TMEM117: variants seen among roughly 807,000 people sequenced by gnomAD.
TMEM117 encodes the protein transmembrane protein 117.
In TMEM117, 27 loss-of-function variants were observed where a neutral mutation model predicts 52.4. The observed-to-expected ratio is 0.51, with a 90% CI of 0.38 to 0.71. The LOEUF is 0.71. Among genes scored for constraint, TMEM117 ranks in the 30% least tolerant of loss-of-function variants. The pLI is 0.00. For synonymous variants in TMEM117, 215 were observed against 206.3 expected (o/e 1.04, Z -0.36); for missense variants, 556 against 630.5 (o/e 0.88, Z 1.26).
chr12:43,935,678 C>A (rs892484487), intron 2 of TMEM117, among the ~76,000 whole-genome samples: 1 of 152,170 alleles, frequency 6.6e-6, no homozygotes, highest in South Asian at 2.1e-4. Context: ...TGTAATCCAG[C>A]CCTTTAAACT....
At chr12:43,893,874 G>A (rs1944151674) in intron 2 of TMEM117, among the ~76,000 whole-genome samples, 1 of 152,164 alleles carries the variant, frequency 6.6e-6, no homozygotes, top group Admixed American at 6.5e-5. Flanking sequence ...TGGGACTAGA[G>A]GATCAATTTT....
chr12:44,156,861 T>C (rs1259586079), intron 4 of TMEM117, among the ~76,000 whole-genome samples: 1 of 152,066 alleles, frequency 6.6e-6, no homozygotes, highest in Non-Finnish European at 1.5e-5. Flanking sequence ...TCAGTAAATG[T>C]TACCTAGCCT....
chr12:43,901,758 AT>A (rs1248662381), intron 2 of TMEM117, among the ~76,000 whole-genome samples: 4 of 152,220 alleles, frequency 2.6e-5, no homozygotes, highest in African/African-American at 4.8e-5. Context: ...ACCTGAAGGC[AT>A]TTTTAAGGTC....
At chr12:44,266,102 G>A (rs1177648293) in intron 5 of TMEM117, among the ~76,000 whole-genome samples, 1 of 152,026 alleles carries the variant, frequency 6.6e-6, no homozygotes, top group Non-Finnish European at 1.5e-5. Context: ...TTTCTCTTGG[G>A]TGTATAGCTA....
chr12:44,116,013 CTCCTTTCTTTATA>C (rs1948136291), intron 3 of TMEM117, among the ~76,000 whole-genome samples: 1 of 152,146 alleles, frequency 6.6e-6, no homozygotes, highest in Non-Finnish European at 1.5e-5. Context: ...TGGTCTTTAT[CTCCTTTCTTTATA>C]TGACCCAACT....
intron 3 of TMEM117, among the ~76,000 whole-genome samples, chr12:44,114,394 G>A (rs1948097832): frequency 1.3e-5 from 2 of 152,026 alleles, no homozygotes; most frequent in Admixed American, 1.3e-4. Context: ...TAAAATTAAG[G>A]TGCTCACCTC....
At chr12:43,807,489 C>A in the TMEM117 span, among the ~76,000 whole-genome samples, 1 of 152,130 alleles carries the variant, frequency 6.6e-6, no homozygotes, top group African/African-American at 2.4e-5. Flanking sequence ...TCATTCTAAT[C>A]AAATTCTTCC....
intron 5 of TMEM117, among the ~76,000 whole-genome samples, chr12:44,243,666 T>C (rs990087373): frequency 6.6e-6 from 1 of 151,928 alleles, no homozygotes; most frequent in African/African-American, 2.4e-5. Context: ...TTCTGAAATA[T>C]AAAATACGTT....
chr12:44,220,630 A>G (rs1042421216), intron 5 of TMEM117, among the ~76,000 whole-genome samples: 1 of 152,112 alleles, frequency 6.6e-6, no homozygotes, highest in Admixed American at 6.6e-5. Context: ...TCATTCTCCA[A>G]TAAAAGGAAC....
intron 3 of TMEM117, among the ~76,000 whole-genome samples, chr12:43,947,340 A>G (rs1438040837): frequency 2.0e-5 from 3 of 152,212 alleles, no homozygotes; most frequent in South Asian, 2.1e-4. Context: ...GCCTCTAAAA[A>G]GAAAAATAAA....
At chr12:44,398,250 G>T in the TMEM117 span, among the ~76,000 whole-genome samples, 2 of 152,132 alleles carry the variant, frequency 1.3e-5, no homozygotes, top group African/African-American at 4.8e-5. Context: ...GGGTTGAGGA[G>T]TAGCTGCCAA....
chr12:43,979,285 G>A (rs1257775608), intron 3 of TMEM117, among the ~76,000 whole-genome samples: 1 of 152,032 alleles, frequency 6.6e-6, no homozygotes, highest in Non-Finnish European at 1.5e-5. Context: ...TCCTAACTGT[G>A]TGTTCTTTAT....
chr12:44,020,128 T>G (rs1282137925), intron 3 of TMEM117, among the ~76,000 whole-genome samples: 1 of 152,190 alleles, frequency 6.6e-6, no homozygotes, highest in Non-Finnish European at 1.5e-5. Flanking sequence ...AATCCCAGGT[T>G]TTTTGGTCAA....
intron 3 of TMEM117, among the ~76,000 whole-genome samples, chr12:44,074,242 C>T (rs1448289972): frequency 6.6e-6 from 1 of 152,150 alleles, no homozygotes; most frequent in East Asian, 1.9e-4. Flanking sequence ...CAAAACGGGA[C>T]ACTTCTGAGA....
chr12:44,370,148 ACTT>A (rs544344768), intron 6 of TMEM117, among the ~76,000 whole-genome samples: 34 of 152,284 alleles, frequency 2.2e-4, no homozygotes, highest in Non-Finnish European at 3.8e-4. Context: ...TGTCTCATGA[ACTT>A]CTTTGTATTT....
intron 4 of TMEM117, among the ~76,000 whole-genome samples, chr12:44,185,869 T>TACACACACACACAAAC (rs1949269996): frequency 7.4e-6 from 1 of 135,024 alleles, no homozygotes; most frequent in Admixed American, 7.6e-5. Flanking sequence ...CTAAAAGACA[T>TACACACACACACAAAC]ACACACACAC....
chr12:43,880,160 T>G (rs1000759731), intron 2 of TMEM117, among the ~76,000 whole-genome samples: 7 of 152,324 alleles, frequency 4.6e-5, no homozygotes, highest in Non-Finnish European at 1.0e-4. Flanking sequence ...CTGTCCTCAA[T>G]TCTACGAATT....
chr12:43,927,987 T>C (rs1194076853), intron 2 of TMEM117, among the ~76,000 whole-genome samples: 2 of 152,014 alleles, frequency 1.3e-5, no homozygotes, highest in Admixed American at 1.3e-4. Context: ...TTCCCTTTTT[T>C]TTTGCACAGA....
chr12:44,129,213 TG>T (rs1948375376), intron 3 of TMEM117, among the ~76,000 whole-genome samples: 1 of 152,210 alleles, frequency 6.6e-6, no homozygotes, highest in Non-Finnish European at 1.5e-5. Context: ...TTAGTCATAC[TG>T]GGGGCTGAAA....
Sources: allele counts gnomAD v4.1 joint callset (sites outside exome capture counted in the v4.1 genomes callset), GRCh38; gene constraint gnomAD v4.1.1; transcripts MANE v1.5; gene names NCBI Gene and HGNC (gene_info 2026-07-23, HGNC 2026-07-21).